Variants in RCOR2 observed in about 807,000 individuals in gnomAD.
The protein encoded by RCOR2 is REST corepressor 2.
RCOR2 carries 19 observed loss-of-function variants against 58.9 expected under a neutral mutation model. The observed-to-expected ratio is 0.32, with a 90% CI of 0.23 to 0.47. RCOR2 has a LOEUF of 0.47. Among genes scored for constraint, RCOR2 ranks in the 20% least tolerant of loss-of-function variants. The pLI is 1.00. For synonymous variants in RCOR2, 286 were observed against 278.7 expected (o/e 1.03, Z -0.26); for missense variants, 590 against 707.9 (o/e 0.83, Z 1.89).
Position 63,916,475 on chromosome 11 carries a change from C to CA in RCOR2, c.-20_-19insT, listed in dbSNP as rs1941860064. ...AGGGCATTACCCCGCCCAGCTGCCC[C>CA]GGGGGGCGCAGGAGCCTTCGGAGAG... On this transcript the variant is annotated 5_prime_UTR_variant, in exon 1 of 12. Transcript: ENST00000301459. The CA allele has an allele frequency of 1.2e-6, 2 of 1,600,808 alleles. No individual in the cohort carries two copies. The highest frequency in any genetic ancestry group is 8.5e-7 in the Non-Finnish European group (1 of 1,175,148).
At chr11:63,916,213 C>G in intron 1 of RCOR2, 117 bp downstream of exon 1, 1 of 963,560 alleles carries the variant, frequency 1.0e-6, no homozygotes, top group Non-Finnish European at 1.5e-6. Context: ...AGGCTCCAAT[C>G]CAGGAGAGGC....
At position 63,911,696 on chromosome 11, in the gene RCOR2, C is replaced by T; in HGVS notation, c.*169G>A. 1 of 1,139,106 alleles carries T rather than the reference C, an allele frequency of 8.8e-7. No individual in the cohort carries two copies. The highest frequency in any genetic ancestry group is 1.2e-6 in the Non-Finnish European group (1 of 869,524). 70.6% of individuals were successfully genotyped at this position (1,139,106 alleles called of 1,614,324 possible). ...TGGCCCCAGGAGACAGGCCCAGCTG[C>T]CAGGAACACATGCAGAACCCAAAGG... On this transcript the variant is annotated 3_prime_UTR_variant, in exon 12 of 12. Transcript: ENST00000301459.
In RCOR2 at chr11:63,913,162, T is replaced by TATA. The variant is rs1491119458; in HGVS notation, c.892-216_892-215insTAT. Among the ~76,000 whole-genome samples the TATA allele has an allele frequency of 6.0e-4, 41 of 68,204 alleles. No homozygotes were observed. The South Asian group carries it at 8.9e-3, about 15-fold the overall frequency. The allele number at this position is 68,204 out of a possible 152,430, so 44.7% of individuals were successfully genotyped here. A position where few individuals can be genotyped will look rare whatever the true frequency, so the allele number is the denominator to read the frequency against. On this transcript the variant is annotated intron_variant, in intron 8 of 11. Coordinates refer to ENST00000301459, the MANE Select transcript of RCOR2 (RefSeq NM_173587.4). ...GCAGACCAGTTTATATTTTTATTTTTTATATATATATATATATATATATTT... is the reference window on the plus strand; with the variant it reads ...GCAGACCAGTTTATATTTTTATTTTTATATATATATATATATATATATATATTT...
the RCOR2 span, among the ~76,000 whole-genome samples, chr11:63,926,489 C>CTTTTTTTTTTTTTTTT: frequency 1.4e-4 from 19 of 137,812 alleles, no homozygotes; most frequent in African/African-American, 3.8e-4. Context: ...CTCTCTCTCT[C>CTTTTTTTTTTTTTTTT]TTTTTTTTTT....
At chr11:63,926,717 C>T in the RCOR2 span, among the ~76,000 whole-genome samples, 1 of 151,828 alleles carries the variant, frequency 6.6e-6, no homozygotes, top group Admixed American at 6.6e-5. Flanking sequence ...AACTCCTGAC[C>T]TCACGATCCA....
chr11:63,926,130 C>T, the RCOR2 span, among the ~76,000 whole-genome samples: 6 of 151,996 alleles, frequency 3.9e-5, no homozygotes, highest in Admixed American at 2.0e-4. Flanking sequence ...AGGCTGATCT[C>T]GAACTCCTGA....
chr11:63,916,655 G>A lies in RCOR2; in HGVS notation c.-199C>T, dbSNP rs957882612. ...CCAGCGCTCTCCACGACCCCCACGAGCCAGGGCGTCAGAAAAGTTTGTGCA... is the reference window on the plus strand; with the variant it reads ...CCAGCGCTCTCCACGACCCCCACGAACCAGGGCGTCAGAAAAGTTTGTGCA... On this transcript the variant is annotated 5_prime_UTR_variant, in exon 1 of 12. Coordinates refer to ENST00000301459, the MANE Select transcript of RCOR2 (RefSeq NM_173587.4). The A allele has an allele frequency of 1.0e-5, 9 of 886,426 alleles. No individual in the cohort carries two copies. The highest frequency in any genetic ancestry group is 1.7e-5 in the African/African-American group (1 of 58,304). The allele number at this position is 886,426 out of a possible 1,614,324, so 54.9% of individuals were successfully genotyped here.
chr11:63,926,938 C>T, the RCOR2 span, among the ~76,000 whole-genome samples: 3 of 151,976 alleles, frequency 2.0e-5, no homozygotes, highest in African/African-American at 7.3e-5. Flanking sequence ...TCTCCTATCT[C>T]AGTCTCTCGA....
chr11:63,927,585 C>T, the RCOR2 span, among the ~76,000 whole-genome samples: 3 of 152,116 alleles, frequency 2.0e-5, no homozygotes, highest in Admixed American at 2.0e-4. Context: ...ACCTTTTTAT[C>T]ACCTACTGGA....
At chr11:63,915,417 C>T in intron 2 of RCOR2, 138 bp downstream of exon 2, 1 of 1,149,714 alleles carries the variant, frequency 8.7e-7, no homozygotes. Flanking sequence ...GGCAGGAAAG[C>T]AAACCATGCT....
upstream of RCOR2, among the ~76,000 whole-genome samples, chr11:63,919,440 G>A (rs1254514895): frequency 1.3e-5 from 2 of 152,068 alleles, no homozygotes; most frequent in African/African-American, 2.4e-5. Context: ...CCGCCCCGGG[G>A]CTGCGGGGCG....
chr11:63,912,130 G>T lies in RCOR2; in HGVS notation c.1307C>A (p.Ala436Glu). 1 of 1,500,724 alleles carries T rather than the reference G, an allele frequency of 6.7e-7. No individual in the cohort carries two copies. The highest frequency in any genetic ancestry group is 8.9e-7 in the Non-Finnish European group (1 of 1,128,422). 93.0% of individuals were successfully genotyped at this position (1,500,724 alleles called of 1,614,324 possible). Residue 436 changes from alanine to glutamate, a missense_variant, in exon 12 of 12, where the codon GCG becomes GAG. Transcript: ENST00000301459. Reference sequence around the variant, plus strand: ...GGTGGGAGGTGGAGGGGGTGGTGGCGCAGGGGGCACTGATCGGGGCACGGA... The same window carrying T: ...GGTGGGAGGTGGAGGGGGTGGTGGCTCAGGGGGCACTGATCGGGGCACGGA... Reference protein sequence around the residue: ...STSVPRSVPPAPPPPPPPTSL... With the variant: ...STSVPRSVPPEPPPPPPPTSL...
At position 63,914,340 on chromosome 11, in the gene RCOR2, CAG is replaced by C. The variant is rs1491377028; in HGVS notation, c.606-12_606-11del. On this transcript the variant is annotated splice_polypyrimidine_tract_variant and intron_variant, in intron 6 of 11. Coordinates refer to ENST00000301459, the MANE Select transcript of RCOR2 (RefSeq NM_173587.4). ...CTCTTCGAGCTCATCACTGCTGACA[CAG>C]GGGCCAGGGAGGGAATGAGGCAGCT... is the stretch of plus-strand genomic sequence containing the variant. 30 of 1,613,438 alleles carry C rather than the reference CAG, an allele frequency of 1.9e-5. No individual in the cohort carries two copies. Among genetic ancestry groups the C allele is most frequent in the Admixed American group, 3.3e-5 (2 of 60,002 alleles).
At position 63,917,014 on chromosome 11, in the gene RCOR2, C is replaced by T. The variant is rs988379632; in HGVS notation, c.-558G>A. On this transcript the variant is annotated 5_prime_UTR_variant, in exon 1 of 12. Coordinates refer to ENST00000301459, the MANE Select transcript of RCOR2 (RefSeq NM_173587.4). ...CGGCGGCGGGACGGCGCGCACGGCG[C>T]GCGGCGCTGGGCAGAGTTGCCGGGA... Among the ~76,000 whole-genome samples the T allele has an allele frequency of 6.8e-6, 1 of 147,000 alleles. No individual in the cohort carries two copies. The highest frequency in any genetic ancestry group is 2.4e-5 in the African/African-American group (1 of 40,944).
rs2134242957 is a variant in RCOR2, at chr11:63,911,715, C to T, written c.*150G>A. The T allele has an allele frequency of 7.9e-7, 1 of 1,263,238 alleles. No individual in the cohort carries two copies. The highest frequency in any genetic ancestry group is 1.0e-6 in the Non-Finnish European group (1 of 980,054). The allele number at this position is 1,263,238 out of a possible 1,614,324, so 78.3% of individuals were successfully genotyped here. A position where few individuals can be genotyped will look rare whatever the true frequency, so the allele number is the denominator to read the frequency against. On this transcript the variant is annotated 3_prime_UTR_variant, in exon 12 of 12. Coordinates refer to ENST00000301459, the MANE Select transcript of RCOR2 (RefSeq NM_173587.4). ...CAGCTGCCAGGAACACATGCAGAAC[C>T]CAAAGGGCGGGGCTGGGCTGTCCGA...
rs988395716 is a variant in RCOR2, at chr11:63,916,805, C to G, written c.-349G>C. ...CCCTGTCCTCGGGGCGCCCTGGAAC[C>G]CCACCGCCCACCTGCCCACGCCGTT... On this transcript the variant is annotated 5_prime_UTR_variant, in exon 1 of 12. Transcript: ENST00000301459. 1 of 228,328 alleles carries G rather than the reference C, an allele frequency of 4.4e-6. No individual in the cohort carries two copies. The highest frequency in any genetic ancestry group is 2.3e-5 in the African/African-American group (1 of 43,650). 14.1% of individuals were successfully genotyped at this position (228,328 alleles called of 1,614,324 possible).
chr11:63,912,995 G>A, intron 8 of RCOR2, 48 bp from the exon 9 acceptor site: 1 of 1,528,752 alleles, frequency 6.5e-7, no homozygotes, highest in East Asian at 2.3e-5. Flanking sequence ...ATCTCAGGCA[G>A]GCCACTATGC....
intron 10 of RCOR2, 31 bp from the exon 11 acceptor site, chr11:63,912,565 T>C: frequency 1.3e-6 from 2 of 1,593,390 alleles, no homozygotes; most frequent in Non-Finnish European, 1.7e-6. Flanking sequence ...GCAGCGTCAA[T>C]ACCCCTTCGA....
At position 63,913,966 on chromosome 11, in the gene RCOR2, G is replaced by A. The variant is rs1941816975; in HGVS notation, c.879C>T (p.Ser293=). ...TLRGLDSQLI[S]LKRQVQSMKQ... is the part of the protein sequence containing the mutation. Reference sequence around the variant, plus strand: ...CCCAGGGCCCCACCTGGCGCTTGAGGGAGATGAGCTGAGAGTCAAGACCTC... The same window carrying A: ...CCCAGGGCCCCACCTGGCGCTTGAGAGAGATGAGCTGAGAGTCAAGACCTC... Residue 293 remains serine (S), a synonymous_variant, in exon 8 of 12, where the codon TCC becomes TCT. Coordinates refer to ENST00000301459, the MANE Select transcript of RCOR2 (RefSeq NM_173587.4). 6.2e-7 allele frequency: 1 copy of A among 1,613,666 alleles called. No homozygotes were observed. Among genetic ancestry groups the A allele is most frequent in the East Asian group, 2.2e-5 (1 of 44,860 alleles).
Sources: allele counts gnomAD v4.1 joint callset (sites outside exome capture counted in the v4.1 genomes callset), GRCh38; gene constraint gnomAD v4.1.1; transcripts MANE v1.5; gene names NCBI Gene and HGNC (gene_info 2026-07-23, HGNC 2026-07-21).